CA5A: variants seen among roughly 807,000 people sequenced by gnomAD.
CA5A encodes the protein carbonic anhydrase 5A, mitochondrial.
In CA5A, 28 loss-of-function variants were observed where a neutral mutation model predicts 37.1. The ratio of observed to expected loss-of-function variants is 0.75; its 90% CI spans 0.56 to 1.03. CA5A has a LOEUF of 1.03. Ranked by LOEUF, CA5A falls within the 50% of genes least tolerant of loss-of-function variation. The pLI, the probability that CA5A is intolerant of heterozygous loss-of-function variation, is 0.00. For synonymous variants in CA5A, 171 were observed against 158.4 expected, an observed-to-expected ratio of 1.08 and a Z score of -0.60; for missense variants, 444 against 399.9, an observed-to-expected ratio of 1.11 and a Z score of -0.94.
intron 5 of CA5A, chr16:87,893,690 C>A: frequency 1.8e-6 from 1 of 541,598 alleles, no homozygotes; most frequent in Non-Finnish European, 3.6e-6. Context: ...CAACCGAATT[C>A]CAGTTTAAAG....
At chr16:87,890,317 G>C (rs976113877) in intron 6 of CA5A, among the ~76,000 whole-genome samples, 1 of 152,040 alleles carries the variant, frequency 6.6e-6, no homozygotes, top group Non-Finnish European at 1.5e-5. Context: ...TATGCTTGTT[G>C]AGTGGCATAA....
chr16:87,885,292 A>T (rs2055640020), downstream of CA5A: 1 of 153,074 alleles, frequency 6.5e-6, no homozygotes, highest in Non-Finnish European at 1.5e-5. Context: ...TATATAAAGA[A>T]CTCCTAAAAA....
intron 1 of CA5A, among the ~76,000 whole-genome samples, chr16:87,930,571 C>G (rs529033619): frequency 6.6e-6 from 1 of 152,092 alleles, no homozygotes; most frequent in South Asian, 2.1e-4. Context: ...AGGATGCTGA[C>G]GAGTAAAGCT....
At chr16:87,932,626 C>A (rs2144102536) in intron 1 of CA5A, among the ~76,000 whole-genome samples, 1 of 152,316 alleles carries the variant, frequency 6.6e-6, no homozygotes, top group Non-Finnish European at 1.5e-5. Flanking sequence ...AATCAGTCAA[C>A]AAATATTTAC....
At chr16:87,905,382 C>T (rs2055945253) in intron 2 of CA5A, among the ~76,000 whole-genome samples, 1 of 152,182 alleles carries the variant, frequency 6.6e-6, no homozygotes, top group Non-Finnish European at 1.5e-5. Context: ...TATTTTAAGA[C>T]AGAATCTTAC....
chr16:87,932,032 T>A (rs2056413484), intron 1 of CA5A, among the ~76,000 whole-genome samples: 1 of 151,146 alleles, frequency 6.6e-6, no homozygotes, highest in Non-Finnish European at 1.5e-5. Flanking sequence ...GAGAATCACT[T>A]GAACTCAGGA....
intron 5 of CA5A, among the ~76,000 whole-genome samples, chr16:87,900,724 G>A (rs2055866435): frequency 6.6e-6 from 1 of 152,260 alleles, no homozygotes; most frequent in African/African-American, 2.4e-5. Context: ...GCTGCGGTTT[G>A]GGCAGGTTTC....
intron 1 of CA5A, among the ~76,000 whole-genome samples, chr16:87,934,366 C>G (rs996828533): frequency 1.3e-5 from 2 of 151,342 alleles, no homozygotes; most frequent in Non-Finnish European, 2.9e-5. Context: ...GCTGGGAGTT[C>G]AAGACCACCC....
chr16:87,922,983 G>A (rs555651981), intron 2 of CA5A, among the ~76,000 whole-genome samples: 23 of 152,326 alleles, frequency 1.5e-4, no homozygotes, highest in Admixed American at 5.9e-4. Context: ...AGACTGCAGT[G>A]GTGCAAGTGA....
intron 1 of CA5A, 56 bp downstream of exon 1, chr16:87,936,253 C>T (rs943343702): frequency 8.0e-7 from 1 of 1,256,750 alleles, no homozygotes; most frequent in Non-Finnish European, 1.2e-6. Flanking sequence ...TCGAAAGACC[C>T]CATCAGCTAA....
intron 1 of CA5A, among the ~76,000 whole-genome samples, chr16:87,933,573 G>T (rs112868890): frequency 2.0e-5 from 3 of 151,530 alleles, no homozygotes; most frequent in East Asian, 3.9e-4. Flanking sequence ...TTTAGAGATG[G>T]GTTCTTGCTA....
At chr16:87,888,424 G>C in intron 6 of CA5A, 152 bp from the exon 7 acceptor site, 1 of 693,340 alleles carries the variant, frequency 1.4e-6, no homozygotes, top group Admixed American at 3.1e-5. Flanking sequence ...GTGTGTGCAG[G>C]GCCAGATTAT....
intron 6 of CA5A, among the ~76,000 whole-genome samples, chr16:87,890,795 T>TA (rs1485594035): frequency 2.0e-5 from 3 of 151,364 alleles, no homozygotes; most frequent in Admixed American, 6.6e-5. Context: ...TTTGTATTTT[T>TA]ATTTATTTAT....
At chr16:87,918,705 T>C (rs1190621676) in intron 2 of CA5A, among the ~76,000 whole-genome samples, 3 of 152,186 alleles carry the variant, frequency 2.0e-5, no homozygotes, top group African/African-American at 7.2e-5. Context: ...CCTCCTTCCA[T>C]GCAGGGTTTG....
intron 2 of CA5A, among the ~76,000 whole-genome samples, chr16:87,918,599 G>T (rs2056188098): frequency 6.6e-6 from 1 of 152,170 alleles, no homozygotes; most frequent in South Asian, 2.1e-4. Flanking sequence ...CTTTGTTTCT[G>T]GCCCTGCCAC....
At position 87,936,304 on chromosome 16, in the gene CA5A, C is replaced by T; in HGVS notation, c.142+5G>A. On this transcript the variant is annotated splice_donor_5th_base_variant and intron_variant, in intron 1 of 6. Coordinates refer to ENST00000649794, the MANE Select transcript of CA5A (RefSeq NM_001739.2). ...GCATCTTAGGAAATTTGAGGCTCTA[C>T]TTACAAGTGTTATTGCTGGTTTGCC... 2 of 1,608,750 alleles carry T rather than the reference C, an allele frequency of 1.2e-6. No individual in the cohort carries two copies. Among genetic ancestry groups the T allele is most frequent in the African/African-American group, 2.7e-5 (2 of 74,862 alleles).
chr16:87,899,158 C>G (rs2055842203), intron 5 of CA5A, among the ~76,000 whole-genome samples: 3 of 152,150 alleles, frequency 2.0e-5, no homozygotes, highest in African/African-American at 7.2e-5. Flanking sequence ...CTCTGATACA[C>G]TGTGCTATGG....
chr16:87,920,016 C>G (rs951060288), intron 2 of CA5A, among the ~76,000 whole-genome samples: 14 of 152,308 alleles, frequency 9.2e-5, no homozygotes, highest in African/African-American at 2.9e-4. Flanking sequence ...CATTCCCCAT[C>G]CATGGACTCA....
chr16:87,926,759 G>T lies in CA5A; in HGVS notation c.329C>A (p.Thr110Asn), dbSNP rs1354758248. The T allele has an allele frequency of 1.2e-6, 2 of 1,613,384 alleles. No individual in the cohort carries two copies. Among genetic ancestry groups the T allele is most frequent in the East Asian group, 2.2e-5 (1 of 44,866 alleles). Reference protein sequence around the residue: ...YLFQVEFDDATEASGISGGPL... With the variant: ...YLFQVEFDDANEASGISGGPL... ...CAGCTGGCACTCACCTGATGCCTCG[G>T]TGGCATCGTCAAATTCCACCTGGAA... Residue 110 changes from threonine to asparagine, a missense_variant, in exon 2 of 7, where the codon ACC (threonine) becomes AAC (asparagine). Coordinates refer to ENST00000649794, the MANE Select transcript of CA5A (RefSeq NM_001739.2).
Sources: gnomAD v4.1 joint callset for allele counts (sites outside exome capture counted in the v4.1 genomes callset) on GRCh38, gnomAD v4.1.1 for gene constraint, MANE v1.5 for transcripts, NCBI Gene and HGNC (gene_info 2026-07-23, HGNC 2026-07-21) for gene names.